CDH18: variants seen among roughly 807,000 people sequenced by gnomAD.
CDH18 encodes cadherin 18.
In CDH18, 31 loss-of-function variants were observed where a neutral mutation model predicts 67.9. That is an observed-to-expected ratio of 0.46 (90% CI 0.34 to 0.62). CDH18 has a LOEUF of 0.62. Ranked by LOEUF, CDH18 falls within the 20% of genes least tolerant of loss-of-function variation. CDH18 has a pLI of 0.01. For missense variants in CDH18, 890 were observed against 975.5 expected (o/e 0.91, Z 1.17); for synonymous variants, 362 against 347.2 (o/e 1.04, Z -0.48).
At chr5:19,571,268 G>A (rs1741335412) in intron 8 of CDH18, among the ~76,000 whole-genome samples, 1 of 152,244 alleles carries the variant, frequency 6.6e-6, no homozygotes, top group African/African-American at 2.4e-5. Flanking sequence ...GGGAGCAATA[G>A]ATTCTCTAGT....
At chr5:19,652,201 C>A (rs1755678724) in intron 5 of CDH18, among the ~76,000 whole-genome samples, 1 of 151,678 alleles carries the variant, frequency 6.6e-6, no homozygotes, top group South Asian at 2.1e-4. Context: ...CTTTAGAAGT[C>A]ATATTTTTCT....
chr5:19,654,027 TA>T (rs1231519673), intron 5 of CDH18, among the ~76,000 whole-genome samples: 1 of 152,180 alleles, frequency 6.6e-6, no homozygotes, highest in Non-Finnish European at 1.5e-5. Context: ...ATTTTGCCCA[TA>T]ATGTGTATAA....
At chr5:19,681,967 C>G (rs1397855019) in intron 5 of CDH18, among the ~76,000 whole-genome samples, 3 of 151,380 alleles carry the variant, frequency 2.0e-5, no homozygotes, top group African/African-American at 7.3e-5. Flanking sequence ...CAGAAAGTAT[C>G]TTTGGTCATA....
At chr5:19,489,317 G>A (rs1012040826) in intron 11 of CDH18, among the ~76,000 whole-genome samples, 6 of 139,118 alleles carry the variant, frequency 4.3e-5, no homozygotes, top group African/African-American at 1.7e-4. Flanking sequence ...GTGCAATCTT[G>A]GCTCACTGCA....
At chr5:19,951,312 T>G (rs2150264128) in intron 2 of CDH18, among the ~76,000 whole-genome samples, 1 of 152,334 alleles carries the variant, frequency 6.6e-6, no homozygotes, top group South Asian at 2.1e-4. Context: ...ATTTTAAAAG[T>G]ATATTTACAG....
At chr5:19,918,298 C>T (rs1032135321) in intron 2 of CDH18, among the ~76,000 whole-genome samples, 1 of 152,136 alleles carries the variant, frequency 6.6e-6, no homozygotes, top group Non-Finnish European at 1.5e-5. Flanking sequence ...AATGTGAACA[C>T]ACATTTATCT....
intron 5 of CDH18, among the ~76,000 whole-genome samples, chr5:19,667,490 T>TTA (rs375310681): frequency 1.8e-3 from 239 of 130,490 alleles, no homozygotes; most frequent in East Asian, 6.5e-3. Flanking sequence ...AATATATATG[T>TTA]TATATATATA....
intron 1 of CDH18, among the ~76,000 whole-genome samples, chr5:20,496,724 T>A (rs1009754152): frequency 2.6e-5 from 4 of 152,128 alleles, no homozygotes; most frequent in African/African-American, 9.7e-5. Flanking sequence ...CCTCCATTCA[T>A]TTATTTCATA....
rs565209509 is a variant in CDH18, at chr5:19,982,901, G to A, written c.-375-1723C>T. The stretch of plus-strand genomic sequence containing the variant: ...CTACTAATAATACAAAAAATTAGCC[G>A]GGCTTGGTGGCAGGCACCTATAGTC... On this transcript the variant is annotated intron_variant, in intron 1 of 12. Transcript: ENST00000382275. 9.2e-5 allele frequency among the ~76,000 whole-genome samples: 14 copies of A among 151,914 alleles called. No homozygotes were observed. The East Asian group carries it at 2.3e-3, about 25-fold the overall frequency.
rs75698206 is a variant in CDH18, at chr5:20,533,033, T to C, written c.-580+42429A>G. Among the ~76,000 whole-genome samples the C allele has an allele frequency of 4.3e-4, 66 of 152,096 alleles. No individual in the cohort carries two copies. The East Asian group carries it at 0.011, about 26-fold the overall frequency. Reference sequence around the variant, plus strand: ...AGACATCTTTCCAGCGGTGATCAAGTTAAAATGAGGCCATTAGGTTTGGCC... The same window carrying C: ...AGACATCTTTCCAGCGGTGATCAAGCTAAAATGAGGCCATTAGGTTTGGCC... On this transcript the variant is annotated intron_variant, in intron 1 of 14. Transcript: ENST00000507958.
chr5:19,851,737 ATATGTGTGTGTG>A (rs1405437516), intron 2 of CDH18, among the ~76,000 whole-genome samples: 8 of 150,540 alleles, frequency 5.3e-5, no homozygotes, highest in Non-Finnish European at 1.0e-4. Flanking sequence ...TGGGGAATAT[ATATGTGTGTGTG>A]TATGTGTGTG....
intron 2 of CDH18, among the ~76,000 whole-genome samples, chr5:20,008,438 G>A (rs555328403): frequency 6.6e-6 from 1 of 152,184 alleles, no homozygotes; most frequent in South Asian, 2.1e-4. Flanking sequence ...TATGAGAGCT[G>A]GTCTTTAATA....
chr5:19,703,982 G>A (rs923411300), intron 5 of CDH18, among the ~76,000 whole-genome samples: 2 of 152,028 alleles, frequency 1.3e-5, no homozygotes, highest in Admixed American at 1.3e-4. Context: ...ATTACAATGG[G>A]GAAATTCAAA....
At chr5:19,910,796 A>G (rs1022463740) in intron 2 of CDH18, among the ~76,000 whole-genome samples, 2 of 152,140 alleles carry the variant, frequency 1.3e-5, no homozygotes, top group Middle Eastern at 3.2e-3. Flanking sequence ...TTTGGAGCCT[A>G]TAGCCTAGGA....
At chr5:19,973,682 T>TA (rs1798237875) in intron 2 of CDH18, among the ~76,000 whole-genome samples, 1 of 152,026 alleles carries the variant, frequency 6.6e-6, no homozygotes, top group African/African-American at 2.4e-5. Flanking sequence ...AAGCTTACCA[T>TA]AAAAAATATG....
At chr5:19,581,680 G>A (rs1028679581) in intron 7 of CDH18, among the ~76,000 whole-genome samples, 49 of 151,912 alleles carry the variant, frequency 3.2e-4, no homozygotes, top group Admixed American at 3.1e-3. Flanking sequence ...AGATAGGGTC[G>A]ATATCAACAT....
At chr5:19,603,178 A>C (rs904450208) in intron 6 of CDH18, among the ~76,000 whole-genome samples, 1 of 152,162 alleles carries the variant, frequency 6.6e-6, no homozygotes, top group Non-Finnish European at 1.5e-5. Context: ...ATTAATTATC[A>C]TTACAAAATA....
intron 1 of CDH18, among the ~76,000 whole-genome samples, chr5:20,361,755 T>C (rs1199898658): frequency 1.3e-5 from 2 of 152,154 alleles, no homozygotes; most frequent in African/African-American, 4.8e-5. Flanking sequence ...TATGATTATA[T>C]AGGTTATTTT....
At chr5:19,544,713 G>T (rs1369740768) in intron 8 of CDH18, among the ~76,000 whole-genome samples, 1 of 152,128 alleles carries the variant, frequency 6.6e-6, no homozygotes, top group Admixed American at 6.6e-5. Flanking sequence ...GGTTTCATGA[G>T]ACTTTGTATG....
Sources: gnomAD v4.1 joint callset for allele counts (sites outside exome capture counted in the v4.1 genomes callset) on GRCh38, gnomAD v4.1.1 for gene constraint, MANE v1.5 for transcripts, NCBI Gene and HGNC (gene_info 2026-07-23, HGNC 2026-07-21) for gene names.